PTCD3: variants seen among roughly 807,000 people sequenced by gnomAD.
PTCD3 encodes small ribosomal subunit protein mS39.
Under a neutral mutation model 101.9 loss-of-function variants are expected in PTCD3, and 89 were observed. The ratio of observed to expected loss-of-function variants is 0.87; its 90% CI spans 0.74 to 1.04. The LOEUF (loss-of-function observed/expected upper bound fraction) is 1.04. Among genes scored for constraint, PTCD3 ranks in the 50% least tolerant of loss-of-function variants. The probability of loss-of-function intolerance (pLI) is 0.00; values close to 1 mark genes in which losing one functional copy is unlikely to be tolerated. For synonymous variants in PTCD3, 296 were observed against 278.5 expected, an observed-to-expected ratio of 1.06 and a Z score of -0.63; for missense variants, 870 against 828.2, an observed-to-expected ratio of 1.05 and a Z score of -0.62.
At chr2:86,127,052 C>A in intron 12 of PTCD3, 109 bp from the exon 13 acceptor site, 1 of 949,530 alleles carries the variant, frequency 1.1e-6, no homozygotes, top group Non-Finnish European at 1.6e-6. Context: ...AGTTACTAAC[C>A]TGCTTTAAAC....
intron 1 of PTCD3, among the ~76,000 whole-genome samples, chr2:86,106,860 A>G (rs1192819793): frequency 6.6e-6 from 1 of 152,206 alleles, no homozygotes; most frequent in Admixed American, 6.5e-5. Flanking sequence ...AGCTTGGAAC[A>G]TGTATGACCT....
Position 86,106,240 on chromosome 2 carries a change from A to T in PTCD3, c.-8A>T. On this transcript the variant is annotated 5_prime_UTR_variant, in exon 1 of 24. Transcript: ENST00000254630. ...GCTTTCCCAACATGCTCTGCAGAGA[A>T]ATCAAAGATGGCGGTTGTATCTGCT... 6.2e-7 allele frequency: 1 copy of T among 1,613,794 alleles called. No homozygotes were observed. Among genetic ancestry groups the T allele is most frequent in the Non-Finnish European group, 8.5e-7 (1 of 1,179,822 alleles).
chr2:86,118,890 T>G, intron 6 of PTCD3, 31 bp from the exon 7 acceptor site: 8 of 1,601,916 alleles, frequency 5.0e-6, no homozygotes, highest in Non-Finnish European at 6.8e-6. Context: ...TTTACCTGTT[T>G]GTAGTAACTT....
chr2:86,127,821 G>A, intron 13 of PTCD3, 120 bp from the exon 14 acceptor site: 1 of 793,810 alleles, frequency 1.3e-6, no homozygotes, highest in Non-Finnish European at 2.2e-6. Flanking sequence ...GAATAGAAAT[G>A]CATATTTTGC....
At chr2:86,113,960 C>G (rs1343620692) in intron 4 of PTCD3, among the ~76,000 whole-genome samples, 1 of 152,142 alleles carries the variant, frequency 6.6e-6, no homozygotes, top group Non-Finnish European at 1.5e-5. Context: ...GCTCACTTAT[C>G]CATAAATAGG....
intron 22 of PTCD3, 55 bp downstream of exon 22, chr2:86,136,617 G>A: frequency 6.4e-7 from 1 of 1,560,888 alleles, no homozygotes; most frequent in Non-Finnish European, 8.8e-7. Flanking sequence ...AGCCACATTT[G>A]GAATTTCTTC....
intron 7 of PTCD3, 144 bp from the exon 8 acceptor site, chr2:86,121,335 G>T: frequency 2.0e-6 from 1 of 495,978 alleles, no homozygotes; most frequent in Non-Finnish European, 3.6e-6. Flanking sequence ...TTAAGTTGAC[G>T]TTGAGTGCAT....
intron 3 of PTCD3, among the ~76,000 whole-genome samples, chr2:86,110,004 A>G (rs1160322609): frequency 1.3e-5 from 2 of 152,216 alleles, no homozygotes; most frequent in African/African-American, 2.4e-5. Flanking sequence ...ACAAGATGAC[A>G]CCAGACACTT....
intron 7 of PTCD3, among the ~76,000 whole-genome samples, chr2:86,119,389 C>T (rs559337854): frequency 1.3e-5 from 2 of 148,778 alleles, no homozygotes; most frequent in South Asian, 4.2e-4. Flanking sequence ...TGGAGTCTTG[C>T]TCTGTCGCCC....
chr2:86,134,273 G>C lies in PTCD3; in HGVS notation c.1544-19G>C. 1 of 1,565,096 alleles carries C rather than the reference G, an allele frequency of 6.4e-7. No homozygotes were observed. Among genetic ancestry groups the C allele is most frequent in the African/African-American group, 1.4e-5 (1 of 73,932 alleles). On this transcript the variant is annotated intron_variant, in intron 19 of 23. Transcript: ENST00000254630. ...TTTTACATAACAATGATCACTCCTT[G>C]TTCCTTTCTTGTTTCAAGATAGTAA...
At position 86,121,691 on chromosome 2, in the gene PTCD3, G is replaced by A. The variant is rs906615543; in HGVS notation, c.654+97G>A. The A allele has an allele frequency of 8.3e-6, 6 of 723,490 alleles. No individual in the cohort carries two copies. The African/African-American group carries it at 8.9e-5, about 11-fold the overall frequency. 44.8% of individuals were successfully genotyped at this position (723,490 alleles called of 1,614,324 possible). On this transcript the variant is annotated intron_variant, in intron 8 of 23. Transcript: ENST00000254630. ...ATGGGTTGTTTTGCCATGTGTCAGGGTAGTAGAGATTTGTACTGAGATGTG... is the reference window on the plus strand; with the variant it reads ...ATGGGTTGTTTTGCCATGTGTCAGGATAGTAGAGATTTGTACTGAGATGTG...
intron 1 of PTCD3, chr2:86,107,120 C>T (rs1277657315): frequency 8.5e-6 from 4 of 471,024 alleles, no homozygotes; most frequent in Non-Finnish European, 1.8e-5. Flanking sequence ...TCCCTTAGTT[C>T]CCCTCAAGAA....
Position 86,137,011 on chromosome 2 carries a change from G to C in PTCD3, c.1850G>C (p.Ser617Thr), listed in dbSNP as rs749938118. 4.3e-6 allele frequency: 7 copies of C among 1,613,732 alleles called. No homozygotes were observed. The highest frequency in any genetic ancestry group is 5.9e-6 in the Non-Finnish European group (7 of 1,179,942). ...RSELLNELMD[S>T]AKVSNSPSQA... ...GAGTTGCTGAATGAGCTTATGGACA[G>C]TGCAAAAGTGTCTAACAGCCCTTCC... The change falls in exon 23 of 24, where the codon AGT becomes ACT. Residue 617 changes from serine to threonine, a missense_variant. Coordinates refer to ENST00000254630, the MANE Select transcript of PTCD3 (RefSeq NM_017952.6).
In PTCD3 at chr2:86,140,919, A is replaced by AAAACAC. The variant is rs79198208; in HGVS notation, c.*3364_*3365insACAAAC. On this transcript the variant is annotated 3_prime_UTR_variant, in exon 24 of 24. Coordinates refer to ENST00000254630, the MANE Select transcript of PTCD3 (RefSeq NM_017952.6). The stretch of plus-strand genomic sequence containing the variant: ...AAACCCATCTCAAAAAAAAAAAAAA[A>AAAACAC]AAACCAAAAAAACTGTCCAGCTGTG... The AAAACAC allele has an allele frequency of 1.0e-3, 142 of 141,060 alleles. 1 individual carries two copies. The highest frequency in any genetic ancestry group is 3.5e-3 in the African/African-American group (135 of 38,558). 8.7% of individuals were successfully genotyped at this position (141,060 alleles called of 1,614,324 possible). A position where few individuals can be genotyped will look rare whatever the true frequency, so the allele number is the denominator to read the frequency against.
chr2:86,135,230 C>T, intron 21 of PTCD3: 1 of 381,690 alleles, frequency 2.6e-6, no homozygotes, highest in Non-Finnish European at 4.7e-6. Flanking sequence ...TGTCTATGGA[C>T]AAGTAAGTCA....
chr2:86,137,569 T>A lies in PTCD3; in HGVS notation c.*10T>A, dbSNP rs1418276745. The A allele has an allele frequency of 6.6e-7, 1 of 1,513,048 alleles. No homozygotes were observed. Among genetic ancestry groups the A allele is most frequent in the Admixed American group, 2.0e-5 (1 of 49,270 alleles). The allele number at this position is 1,513,048 out of a possible 1,614,324, so 93.7% of individuals were successfully genotyped here. On this transcript the variant is annotated 3_prime_UTR_variant, in exon 24 of 24. Coordinates refer to ENST00000254630, the MANE Select transcript of PTCD3 (RefSeq NM_017952.6). ...CAGTGAAGGCAAATGAAAGTGGAGATTCAGGAGCAGCAATGGGTCTCACCA... is the reference window on the plus strand; with the variant it reads ...CAGTGAAGGCAAATGAAAGTGGAGAATCAGGAGCAGCAATGGGTCTCACCA...
chr2:86,120,529 C>T (rs1674262057), intron 7 of PTCD3, among the ~76,000 whole-genome samples: 1 of 152,124 alleles, frequency 6.6e-6, no homozygotes, highest in African/African-American at 2.4e-5. Context: ...TACCCTCTGC[C>T]CTGCTTTCTC....
At chr2:86,132,169 TCCC>T (rs950174089) in intron 16 of PTCD3, 146 bp from the exon 17 acceptor site, 7 of 537,678 alleles carry the variant, frequency 1.3e-5, no homozygotes, top group Non-Finnish European at 2.3e-5. Flanking sequence ...GGGATTTGTC[TCCC>T]CCCCATTTCT....
At chr2:86,116,154 C>G (rs972372517) in intron 4 of PTCD3, among the ~76,000 whole-genome samples, 1 of 152,162 alleles carries the variant, frequency 6.6e-6, no homozygotes, top group Non-Finnish European at 1.5e-5. Context: ...TGCCCACACA[C>G]GTTTGCGCAT....
Sources: allele counts gnomAD v4.1 joint callset (sites outside exome capture counted in the v4.1 genomes callset), GRCh38; gene constraint gnomAD v4.1.1; transcripts MANE v1.5; gene names NCBI Gene and HGNC (gene_info 2026-07-23, HGNC 2026-07-21).